Variants in IMMP2L observed in about 807,000 individuals in gnomAD.
IMMP2L encodes inner mitochondrial membrane peptidase subunit 2.
A neutral mutation model predicts 19.3 loss-of-function variants in IMMP2L; 18 were observed. The ratio of observed to expected loss-of-function variants is 0.93; its 90% CI spans 0.64 to 1.38. IMMP2L has a LOEUF of 1.38. IMMP2L is among the 40% of genes most tolerant of loss of function. IMMP2L has a pLI of 0.00. For missense variants in IMMP2L, 233 were observed against 218.2 expected, an observed-to-expected ratio of 1.07 and a Z score of -0.43; for synonymous variants, 76 against 73.0, an observed-to-expected ratio of 1.04 and a Z score of -0.21.
At chr7:111,018,436 C>A (rs1825922600) in intron 3 of IMMP2L, among the ~76,000 whole-genome samples, 1 of 152,182 alleles carries the variant, frequency 6.6e-6, no homozygotes, top group South Asian at 2.1e-4. Context: ...AAACACAGGA[C>A]AGTTTCTAAA....
intron 3 of IMMP2L, among the ~76,000 whole-genome samples, chr7:111,167,794 T>C (rs1194205852): frequency 6.6e-6 from 1 of 151,942 alleles, no homozygotes; most frequent in Admixed American, 6.6e-5. Flanking sequence ...AGTAAAATAA[T>C]GTTGAAAGAA....
At position 110,663,586 on chromosome 7, in the gene IMMP2L, A is replaced by G; in HGVS notation, c.*16T>C. The G allele has an allele frequency of 6.2e-7, 1 of 1,612,816 alleles. No homozygotes were observed. Among genetic ancestry groups the G allele is most frequent in the Non-Finnish European group, 8.5e-7 (1 of 1,179,154 alleles). On this transcript the variant is annotated 3_prime_UTR_variant, in exon 6 of 6. Coordinates refer to ENST00000405709, the MANE Select transcript of IMMP2L (RefSeq NM_032549.4). ...ACTGGCCTCCCAATGCCAGCAACTC[A>G]GGTAGATTCATGCAGTCATTCCTCT...
chr7:111,041,219 C>A (rs889648910), intron 3 of IMMP2L, among the ~76,000 whole-genome samples: 1 of 151,636 alleles, frequency 6.6e-6, no homozygotes, highest in Non-Finnish European at 1.5e-5. Flanking sequence ...TAAGTGCCTA[C>A]AAGGTAAAAT....
chr7:110,945,863 C>T (rs548430248), intron 4 of IMMP2L, among the ~76,000 whole-genome samples: 1 of 152,190 alleles, frequency 6.6e-6, no homozygotes, highest in East Asian at 1.9e-4. Context: ...GTGTGTTTTC[C>T]CACCAAACAT....
chr7:111,351,975 C>A (rs1406361266), intron 3 of IMMP2L, among the ~76,000 whole-genome samples: 1 of 152,152 alleles, frequency 6.6e-6, no homozygotes, highest in Non-Finnish European at 1.5e-5. Flanking sequence ...ACTTAAACAT[C>A]AGTTTCAACA....
At chr7:110,829,882 T>G (rs1803812318) in intron 5 of IMMP2L, among the ~76,000 whole-genome samples, 1 of 152,174 alleles carries the variant, frequency 6.6e-6, no homozygotes, top group Non-Finnish European at 1.5e-5. Flanking sequence ...CTCCCAAGTT[T>G]CCTGCATAGA....
At chr7:110,838,316 T>G (rs1804709650) in intron 5 of IMMP2L, among the ~76,000 whole-genome samples, 1 of 152,140 alleles carries the variant, frequency 6.6e-6, no homozygotes, top group Admixed American at 6.6e-5. Context: ...TATATTGTAT[T>G]TATGCATCTT....
At chr7:111,312,141 T>C (rs958611936) in intron 3 of IMMP2L, among the ~76,000 whole-genome samples, 1 of 152,116 alleles carries the variant, frequency 6.6e-6, no homozygotes, top group East Asian at 1.9e-4. Context: ...GAAGTCACTA[T>C]GGCCATTACA....
At chr7:110,800,866 G>A (rs1237315665) in intron 5 of IMMP2L, among the ~76,000 whole-genome samples, 1 of 152,042 alleles carries the variant, frequency 6.6e-6, no homozygotes, top group Non-Finnish European at 1.5e-5. Flanking sequence ...CAATAATGTA[G>A]GATGAAGAAG....
intron 3 of IMMP2L, among the ~76,000 whole-genome samples, chr7:111,098,026 A>G (rs1797588242): frequency 6.6e-6 from 1 of 151,890 alleles, no homozygotes; most frequent in African/African-American, 2.4e-5. Flanking sequence ...GTGCAACAGA[A>G]CAGAATGGAA....
chr7:111,445,636 T>C (rs1838278733), intron 3 of IMMP2L, among the ~76,000 whole-genome samples: 1 of 152,184 alleles, frequency 6.6e-6, no homozygotes, highest in Admixed American at 6.5e-5. Flanking sequence ...ACATGATCCC[T>C]TTTATGGAGT....
intron 5 of IMMP2L, chr7:110,724,159 T>C (rs1795748450): frequency 6.6e-6 from 1 of 152,230 alleles, no homozygotes; most frequent in Non-Finnish European, 1.5e-5. Flanking sequence ...TATCATTTCA[T>C]CTTTTAAGCA....
intron 3 of IMMP2L, among the ~76,000 whole-genome samples, chr7:111,481,551 T>G (rs1225254367): frequency 6.6e-6 from 1 of 151,788 alleles, no homozygotes; most frequent in Non-Finnish European, 1.5e-5. Context: ...CCTAACCCAG[T>G]GGCTAACAAA....
intron 5 of IMMP2L, among the ~76,000 whole-genome samples, chr7:110,682,593 C>T (rs569777936): frequency 6.6e-5 from 10 of 152,040 alleles, no homozygotes; most frequent in Non-Finnish European, 1.0e-4. Flanking sequence ...GCTTCTCACC[C>T]GCCTGGAAAG....
chr7:110,873,923 T>C (rs1808800057), intron 5 of IMMP2L, among the ~76,000 whole-genome samples: 1 of 152,120 alleles, frequency 6.6e-6, no homozygotes, highest in Non-Finnish European at 1.5e-5. Context: ...TCTCCCCTCT[T>C]AAGGAGGGGC....
chr7:110,880,395 CAGCTCAGTCA>C (rs1173497920), intron 5 of IMMP2L, among the ~76,000 whole-genome samples: 1 of 152,016 alleles, frequency 6.6e-6, no homozygotes, highest in African/African-American at 2.4e-5. Flanking sequence ...AGCTGTCTTC[CAGCTCAGTCA>C]AAAGAACGTT....
chr7:111,273,981 C>T (rs1011602130), intron 3 of IMMP2L, among the ~76,000 whole-genome samples: 7 of 152,024 alleles, frequency 4.6e-5, no homozygotes, highest in African/African-American at 1.7e-4. Flanking sequence ...CCTACAGTTT[C>T]TTCAGTCAAC....
intron 3 of IMMP2L, among the ~76,000 whole-genome samples, chr7:110,981,618 T>G (rs2129558138): frequency 6.6e-6 from 1 of 152,146 alleles, no homozygotes; most frequent in South Asian, 2.1e-4. Flanking sequence ...TTGAAGTGAC[T>G]CCTTTTTAAG....
chr7:110,746,294 C>T (rs981333975), intron 5 of IMMP2L, among the ~76,000 whole-genome samples: 9 of 152,086 alleles, frequency 5.9e-5, no homozygotes, highest in Non-Finnish European at 1.2e-4. Context: ...TAGACTCCCA[C>T]ATAATAATAG....
Sources: allele counts gnomAD v4.1 joint callset (sites outside exome capture counted in the v4.1 genomes callset), GRCh38; gene constraint gnomAD v4.1.1; transcripts MANE v1.5; gene names NCBI Gene and HGNC (gene_info 2026-07-23, HGNC 2026-07-21).